ATF6: variants seen among roughly 807,000 people sequenced by gnomAD.
The protein encoded by ATF6 is activating transcription factor 6.
Under a neutral mutation model 83.6 loss-of-function variants are expected in ATF6, and 53 were observed. The observed-to-expected ratio is 0.63, with a 90% CI of 0.51 to 0.80. The LOEUF (loss-of-function observed/expected upper bound fraction) is 0.80. Ranked by LOEUF, ATF6 falls within the 30% of genes least tolerant of loss-of-function variation. ATF6 has a pLI of 0.00. For synonymous variants in ATF6, 288 were observed against 285.8 expected, an observed-to-expected ratio of 1.01 and a Z score of -0.08; for missense variants, 744 against 797.9, an observed-to-expected ratio of 0.93 and a Z score of 0.81.
chr1:161,827,463 G>A (rs1685931688), intron 9 of ATF6, among the ~76,000 whole-genome samples: 1 of 152,086 alleles, frequency 6.6e-6, no homozygotes, highest in Non-Finnish European at 1.5e-5. Context: ...CTGAACTTTT[G>A]TTAAGTACCA....
intron 1 of ATF6, among the ~76,000 whole-genome samples, chr1:161,772,762 T>TAA (rs34486834): frequency 1.4e-4 from 20 of 139,352 alleles, no homozygotes; most frequent in Non-Finnish European, 2.0e-4. Context: ...TAGCTAGAGT[T>TAA]AAAAAAAAAA....
intron 15 of ATF6, among the ~76,000 whole-genome samples, chr1:161,944,264 G>A (rs1267640470): frequency 2.0e-5 from 3 of 152,170 alleles, no homozygotes; most frequent in Admixed American, 2.0e-4. Context: ...CTATATCATA[G>A]AGGATGAAGA....
chr1:161,814,984 G>T (rs894850296), intron 7 of ATF6, among the ~76,000 whole-genome samples: 2 of 152,008 alleles, frequency 1.3e-5, no homozygotes, highest in Admixed American at 1.3e-4. Flanking sequence ...TTACAGTGAA[G>T]AGGTTAATCA....
chr1:161,772,354 A>C (rs905491342), intron 1 of ATF6, among the ~76,000 whole-genome samples: 4 of 152,194 alleles, frequency 2.6e-5, no homozygotes, highest in African/African-American at 9.7e-5. Context: ...GTCTCAATTT[A>C]AGTGTTGCCA....
intron 4 of ATF6, among the ~76,000 whole-genome samples, chr1:161,787,493 C>T (rs1014430685): frequency 2.6e-5 from 4 of 152,156 alleles, no homozygotes; most frequent in African/African-American, 9.7e-5. Context: ...GGATGCCCTC[C>T]TCACTCTGCT....
rs185384574 is a variant in ATF6 at position 161,768,306 on chromosome 1, C to G, written c.82+1864C>G. Among the ~76,000 whole-genome samples the G allele has an allele frequency of 5.3e-5, 8 of 152,256 alleles. No homozygotes were observed. The East Asian group carries it at 1.3e-3, about 26-fold the overall frequency. On this transcript the variant is annotated intron_variant, in intron 1 of 15. Coordinates refer to ENST00000367942, the MANE Select transcript of ATF6 (RefSeq NM_007348.4). The stretch of plus-strand genomic sequence containing the variant: ...ATTCAGTTCTTTGTAGTCAGTTCAC[C>G]GACTCACTTCTATCGGGTATCCTGC...
In ATF6 at chr1:161,766,691, A is replaced by G. The variant is rs1301627686; in HGVS notation, c.82+249A>G. On this transcript the variant is annotated intron_variant, in intron 1 of 15. Coordinates refer to ENST00000367942, the MANE Select transcript of ATF6 (RefSeq NM_007348.4). ...CGTTTTTCACTATTCCCACTGGGGA[A>G]GTACCGGGTGATCTTTTTGTGTGGC... is the stretch of plus-strand genomic sequence containing the variant. Among the ~76,000 whole-genome samples, 6 of 152,322 alleles carry G rather than the reference A, an allele frequency of 3.9e-5. 1 individual carries two copies. The East Asian group carries it at 1.2e-3, about 29-fold the overall frequency.
intron 15 of ATF6, among the ~76,000 whole-genome samples, chr1:161,950,109 T>C (rs779945122): frequency 2.6e-5 from 4 of 152,224 alleles, no homozygotes; most frequent in Non-Finnish European, 4.4e-5. Context: ...ATTCGTGGTG[T>C]TGTGTGACAA....
chr1:161,934,123 T>G (rs546102643), intron 15 of ATF6, among the ~76,000 whole-genome samples: 34 of 152,300 alleles, frequency 2.2e-4, no homozygotes, highest in African/African-American at 7.9e-4. Context: ...ACTTTCACAT[T>G]CATTCAGGTG....
rs957065224 is a variant in ATF6 at position 161,962,117 on chromosome 1, A to G, written c.*3463A>G. 9.6e-6 allele frequency: 1 copy of G among 104,354 alleles called. No individual in the cohort carries two copies. The highest frequency in any genetic ancestry group is 2.4e-5 in the Non-Finnish European group (1 of 42,326). 6.5% of individuals were successfully genotyped at this position (104,354 alleles called of 1,614,324 possible). ...CCCTCACGATTATAAAACTCAGAGC[A>G]TCATCTAATTTTTTTTTTTAATGAC... is the stretch of plus-strand genomic sequence containing the variant. On this transcript the variant is annotated 3_prime_UTR_variant, in exon 16 of 16. Transcript: ENST00000367942.
At chr1:161,922,958 C>T (rs1045794120) in intron 15 of ATF6, among the ~76,000 whole-genome samples, 4 of 152,092 alleles carry the variant, frequency 2.6e-5, no homozygotes, top group African/African-American at 9.7e-5. Flanking sequence ...GTAAAGAGAT[C>T]ACTCTATTTT....
intron 14 of ATF6, among the ~76,000 whole-genome samples, chr1:161,893,576 A>C (rs1687605086): frequency 6.6e-6 from 1 of 152,250 alleles, no homozygotes; most frequent in Admixed American, 6.5e-5. Flanking sequence ...TTAAAAAGCA[A>C]CAACAGCAAA....
chr1:161,812,559 A>AT (rs1413852312), intron 7 of ATF6, among the ~76,000 whole-genome samples: 2 of 150,740 alleles, frequency 1.3e-5, no homozygotes, highest in African/African-American at 4.9e-5. Context: ...CGCCCGGCTA[A>AT]TTTTTGTATT....
At position 161,807,863 on chromosome 1, in the gene ATF6, A is replaced by ATTTTTTTTT. The variant is rs1557971141; in HGVS notation, c.909+5592_909+5593insTTTTTTTTT. ...TACTTTTTGTACTTTTTAGTTTGTC[A>ATTTTTTTTT]TCTTTTTTTTTTTTTTTTTTTTTTT... is the stretch of plus-strand genomic sequence containing the variant. On this transcript the variant is annotated intron_variant, in intron 7 of 15. Transcript: ENST00000367942. Among the ~76,000 whole-genome samples the ATTTTTTTTT allele has an allele frequency of 4.7e-4, 26 of 54,784 alleles. 3 individuals are homozygous for ATTTTTTTTT. Among genetic ancestry groups the ATTTTTTTTT allele is most frequent in the African/African-American group, 2.0e-3 (24 of 12,224 alleles). 35.9% of individuals were successfully genotyped at this position (54,784 alleles called of 152,430 possible). A position where few individuals can be genotyped will look rare whatever the true frequency, so the allele number is the denominator to read the frequency against.
chr1:161,800,682 G>C (rs564242279), intron 6 of ATF6, among the ~76,000 whole-genome samples: 1 of 152,186 alleles, frequency 6.6e-6, no homozygotes, highest in Non-Finnish European at 1.5e-5. Context: ...TGCCTTTGAT[G>C]CTGTTTTCAT....
intron 9 of ATF6, among the ~76,000 whole-genome samples, chr1:161,836,995 T>C (rs1046932359): frequency 5.9e-5 from 9 of 152,192 alleles, no homozygotes; most frequent in African/African-American, 2.2e-4. Context: ...AGACCATACA[T>C]CTTAGTTAAC....
At chr1:161,794,113 G>T (rs1684951543) in intron 6 of ATF6, among the ~76,000 whole-genome samples, 1 of 152,062 alleles carries the variant, frequency 6.6e-6, no homozygotes, top group African/African-American at 2.4e-5. Flanking sequence ...CACCATGTCG[G>T]CCAGGATGGT....
At chr1:161,853,843 C>A (rs1267019313) in intron 12 of ATF6, among the ~76,000 whole-genome samples, 1 of 152,128 alleles carries the variant, frequency 6.6e-6, no homozygotes, top group Non-Finnish European at 1.5e-5. Flanking sequence ...TAAGTCATTC[C>A]GTCATTCATC....
At position 161,850,961 on chromosome 1, in the gene ATF6, C is replaced by G. The variant is rs529270032; in HGVS notation, c.1320-761C>G. 9.9e-5 allele frequency among the ~76,000 whole-genome samples: 15 copies of G among 152,264 alleles called. No homozygotes were observed. The South Asian group carries it at 1.2e-3, about 13-fold the overall frequency. On this transcript the variant is annotated intron_variant, in intron 10 of 15. Transcript: ENST00000367942. ...GGATATGAATTCACATGATCTACAT[C>G]AGTGCGATGGCTAGGAAAGTATATA...
Sources: allele counts gnomAD v4.1 joint callset (sites outside exome capture counted in the v4.1 genomes callset), GRCh38; gene constraint gnomAD v4.1.1; transcripts MANE v1.5; gene names NCBI Gene and HGNC (gene_info 2026-07-23, HGNC 2026-07-21).